Variants in JAKMIP2 observed in about 807,000 individuals in gnomAD.
The protein encoded by JAKMIP2 is janus kinase and microtubule interacting protein 2.
Under a neutral mutation model 115.0 loss-of-function variants are expected in JAKMIP2, and 25 were observed. The observed-to-expected ratio is 0.22, with a 90% CI of 0.16 to 0.30. The LOEUF is 0.30. Ranked by LOEUF, JAKMIP2 falls within the 10% of genes least tolerant of loss-of-function variation. The pLI is 1.00. For synonymous variants in JAKMIP2, 334 were observed against 343.6 expected (o/e 0.97, Z 0.31); for missense variants, 642 against 957.6 (o/e 0.67, Z 4.35).
chr5:147,701,993 C>T (rs940348684), intron 1 of JAKMIP2, among the ~76,000 whole-genome samples: 9 of 152,156 alleles, frequency 5.9e-5, no homozygotes, highest in African/African-American at 2.2e-4. Context: ...GGGAAACATC[C>T]CTTCTCATTC....
intron 20 of JAKMIP2, among the ~76,000 whole-genome samples, chr5:147,604,688 G>A (rs1755900489): frequency 6.6e-6 from 1 of 152,072 alleles, no homozygotes; most frequent in East Asian, 1.9e-4. Context: ...TTACCATACA[G>A]GGATTCAGGT....
At chr5:147,641,501 T>C (rs1197248995) in intron 8 of JAKMIP2, among the ~76,000 whole-genome samples, 3 of 152,194 alleles carry the variant, frequency 2.0e-5, no homozygotes, top group Admixed American at 1.3e-4. Context: ...AGCAAACCCC[T>C]TTCAGGTTAA....
intron 1 of JAKMIP2, among the ~76,000 whole-genome samples, chr5:147,705,579 A>T (rs1253538012): frequency 1.3e-5 from 2 of 152,154 alleles, no homozygotes; most frequent in East Asian, 1.9e-4. Context: ...AAAAAAAAAA[A>T]GTCTGAGGTC....
At chr5:147,636,200 T>C in intron 12 of JAKMIP2, 22 bp downstream of exon 12, 1 of 1,601,500 alleles carries the variant, frequency 6.2e-7, no homozygotes, top group Non-Finnish European at 8.6e-7. Flanking sequence ...TCTGCCCCGC[T>C]AGGGTGTTGT....
At chr5:147,715,794 G>T (rs1752956110) in intron 1 of JAKMIP2, among the ~76,000 whole-genome samples, 1 of 148,800 alleles carries the variant, frequency 6.7e-6, no homozygotes, top group South Asian at 2.1e-4. Context: ...CATCTCCAAT[G>T]ATATTGTTTT....
chr5:147,648,492 A>G lies in JAKMIP2; in HGVS notation c.838-18T>C. 1 of 1,371,436 alleles carries G rather than the reference A, an allele frequency of 7.3e-7. No homozygotes were observed. The highest frequency in any genetic ancestry group is 1.0e-6 in the Non-Finnish European group (1 of 961,902). The allele number at this position is 1,371,436 out of a possible 1,614,324, so 85.0% of individuals were successfully genotyped here. On this transcript the variant is annotated intron_variant, in intron 4 of 21. Coordinates refer to ENST00000616793, the MANE Select transcript of JAKMIP2 (RefSeq NM_001270941.2). Reference sequence around the variant, plus strand: ...CGCAAATCCTACAAAGAAAAATTAAAATGGGTATTTCTTCAACAACACTTT... The same window carrying G: ...CGCAAATCCTACAAAGAAAAATTAAGATGGGTATTTCTTCAACAACACTTT...
intron 1 of JAKMIP2, among the ~76,000 whole-genome samples, chr5:147,748,368 G>GATA (rs201197803): frequency 0.017 from 2,642 of 152,216 alleles, 96 homozygotes; most frequent in African/African-American, 0.061. Context: ...TATGCTACAA[G>GATA]GTAGATGTCA....
At chr5:147,601,363 G>A (rs1755684335) in intron 21 of JAKMIP2, among the ~76,000 whole-genome samples, 1 of 152,114 alleles carries the variant, frequency 6.6e-6, no homozygotes, top group South Asian at 2.1e-4. Flanking sequence ...GGCTAAGGCA[G>A]GAGGATTGCT....
At chr5:147,707,779 A>G (rs1260167349) in intron 1 of JAKMIP2, among the ~76,000 whole-genome samples, 1 of 152,186 alleles carries the variant, frequency 6.6e-6, no homozygotes, top group Non-Finnish European at 1.5e-5. Flanking sequence ...TGATATGCAA[A>G]TGAGATCAGC....
intron 1 of JAKMIP2, among the ~76,000 whole-genome samples, chr5:147,710,835 G>A (rs1020038484): frequency 1.3e-5 from 2 of 152,134 alleles, no homozygotes; most frequent in Admixed American, 6.6e-5. Flanking sequence ...GCAAATGTGA[G>A]GCAATATTAT....
Position 147,650,475 on chromosome 5 carries a change from C to A in JAKMIP2, c.700G>T (p.Val234Leu). Residue 234 changes from valine (V) to leucine (L), a missense_variant, in exon 4 of 22, where the codon GTA (valine) becomes TTA (leucine). By Grantham distance (32) the Val-to-Leu change is conservative. Around this residue, in one of 6 missense-constraint regions of JAKMIP2, gnomAD observed 439 missense variants for 570.9 expected, o/e 0.77. Transcript: ENST00000616793. ...TCCTTCTGAAGTTGGAGTTTCTGTA[C>A]ATAGCCTGTCTGGGTCTCCAGTTCC... ...EKELETQTGYVQKLQLQKEAL... is the reference protein window; with the variant it reads ...EKELETQTGYLQKLQLQKEAL... 4 of 1,613,900 alleles carry A rather than the reference C, an allele frequency of 2.5e-6. No individual in the cohort carries two copies. Among genetic ancestry groups the A allele is most frequent in the Non-Finnish European group, 3.4e-6 (4 of 1,179,850 alleles).
At position 147,762,121 on chromosome 5, in the gene JAKMIP2, G is replaced by A. The variant is rs545060651; in HGVS notation, c.-149+20335C>T. On this transcript the variant is annotated intron_variant, in intron 1 of 21. Coordinates refer to ENST00000616793, the MANE Select transcript of JAKMIP2 (RefSeq NM_001270941.2). ...ATATTTAGGAAGGATTTGAGGGTTT[G>A]TTTGATGTAATTCTTTGACACTTAC... Among the ~76,000 whole-genome samples the A allele has an allele frequency of 7.2e-5, 11 of 152,134 alleles. No individual in the cohort carries two copies. In the South Asian group the frequency reaches 2.3e-3, roughly 32 times the overall value.
chr5:147,721,072 G>T (rs1294185170), intron 1 of JAKMIP2, among the ~76,000 whole-genome samples: 1 of 152,028 alleles, frequency 6.6e-6, no homozygotes, highest in African/African-American at 2.4e-5. Flanking sequence ...GTAACAGACA[G>T]GACCCTCAGC....
chr5:147,603,302 C>G (rs576841900), intron 20 of JAKMIP2, among the ~76,000 whole-genome samples: 1 of 152,120 alleles, frequency 6.6e-6, no homozygotes, highest in South Asian at 2.1e-4. Flanking sequence ...GTGTCTGTCT[C>G]ATAGAGTAAT....
intron 2 of JAKMIP2, among the ~76,000 whole-genome samples, chr5:147,664,237 T>C (rs543433008): frequency 1.4e-4 from 22 of 152,306 alleles, no homozygotes; most frequent in Non-Finnish European, 2.9e-4. Context: ...GAACCTAGCT[T>C]TTCCCACACT....
chr5:147,649,372 T>C (rs990120200), intron 4 of JAKMIP2, among the ~76,000 whole-genome samples: 1 of 152,190 alleles, frequency 6.6e-6, no homozygotes, highest in Non-Finnish European at 1.5e-5. Context: ...CTCAACATTT[T>C]ACATATTATC....
intron 1 of JAKMIP2, among the ~76,000 whole-genome samples, chr5:147,737,805 A>C (rs1753981743): frequency 6.6e-6 from 1 of 152,220 alleles, no homozygotes; most frequent in Non-Finnish European, 1.5e-5. Flanking sequence ...TATATAGTTC[A>C]GGAAATTTAG....
intron 1 of JAKMIP2, among the ~76,000 whole-genome samples, chr5:147,675,408 G>A (rs1176761579): frequency 6.6e-6 from 1 of 151,844 alleles, no homozygotes. Context: ...GTTGTAATGG[G>A]TGCCTGGCAA....
At chr5:147,653,720 T>A (rs1758527971) in intron 3 of JAKMIP2, among the ~76,000 whole-genome samples, 1 of 152,196 alleles carries the variant, frequency 6.6e-6, no homozygotes, top group African/African-American at 2.4e-5. Flanking sequence ...TTTAATTGGA[T>A]CCCATTTGTC....
Sources: gnomAD v4.1 joint callset for allele counts (sites outside exome capture counted in the v4.1 genomes callset) on GRCh38, gnomAD v4.1.1 for gene constraint, gnomAD v4.1.1 regional missense constraint, MANE v1.5 for transcripts, NCBI Gene and HGNC (gene_info 2026-07-23, HGNC 2026-07-21) for gene names.